Variants in TUSC3 observed in about 807,000 individuals in gnomAD.
TUSC3 encodes the protein dolichyl-diphosphooligosaccharide--protein glycosyltransferase subunit TUSC3.
A neutral mutation model predicts 44.8 loss-of-function variants in TUSC3; 45 were observed. The observed-to-expected ratio is 1.00, with a 90% CI of 0.79 to 1.29. The LOEUF is 1.29. TUSC3 is among the 50% of genes most tolerant of loss of function. The pLI is 0.00. For missense variants in TUSC3, 519 were observed against 437.9 expected (o/e 1.19, Z -1.65); for synonymous variants, 212 against 152.9 (o/e 1.39, Z -2.85).
At position 15,579,070 on chromosome 8, in the gene TUSC3, T is replaced by A. The variant is rs1357921688; in HGVS notation, c.138+38502T>A. On this transcript the variant is annotated intron_variant, in intron 1 of 10. Transcript: ENST00000503731. ...GAGAGTGTATGTGTTGAGGAATTTATCCATTTCTTCTAGATTTTCTAGTTT... is the reference window on the plus strand; with the variant it reads ...GAGAGTGTATGTGTTGAGGAATTTAACCATTTCTTCTAGATTTTCTAGTTT... 3.9e-5 allele frequency among the ~76,000 whole-genome samples: 6 copies of A among 152,194 alleles called. No individual in the cohort carries two copies. In the South Asian group the frequency reaches 1.0e-3, roughly 26 times the overall value.
intron 2 of TUSC3, among the ~76,000 whole-genome samples, chr8:15,630,558 A>C (rs933395941): frequency 6.6e-6 from 1 of 152,148 alleles, no homozygotes; most frequent in African/African-American, 2.4e-5. Flanking sequence ...AATTTTTTCA[A>C]AGTCACACAG....
intron 2 of TUSC3, among the ~76,000 whole-genome samples, chr8:15,632,877 C>A (rs1166884207): frequency 1.3e-5 from 2 of 152,128 alleles, no homozygotes; most frequent in Non-Finnish European, 2.9e-5. Context: ...AGTGTATCTC[C>A]TTTAGTCTAC....
intron 7 of TUSC3, among the ~76,000 whole-genome samples, chr8:15,732,604 C>G (rs1810769982): frequency 6.6e-6 from 1 of 151,974 alleles, no homozygotes; most frequent in Non-Finnish European, 1.5e-5. Context: ...TATCAAAATT[C>G]TAAAACTTGA....
At chr8:15,849,573 C>T in the TUSC3 span, among the ~76,000 whole-genome samples, 1 of 152,078 alleles carries the variant, frequency 6.6e-6, no homozygotes. Flanking sequence ...TTACAATCTC[C>T]CCTGCAACAA....
chr8:15,585,242 A>G (rs1803547362), intron 1 of TUSC3, among the ~76,000 whole-genome samples: 1 of 152,178 alleles, frequency 6.6e-6, no homozygotes. Flanking sequence ...TTTTAGATCC[A>G]TGGCATTTGA....
chr8:15,753,374 G>A (rs938993399), intron 9 of TUSC3, among the ~76,000 whole-genome samples: 1 of 151,874 alleles, frequency 6.6e-6, no homozygotes, highest in African/African-American at 2.4e-5. Context: ...AATCCTTATG[G>A]TGCTCACAGA....
chr8:15,466,248 A>G (rs926921931), intron 1 of TUSC3, among the ~76,000 whole-genome samples: 50 of 152,308 alleles, frequency 3.3e-4, no homozygotes, highest in African/African-American at 1.1e-3. Flanking sequence ...AACAATTTCA[A>G]TACATCTAAG....
chr8:15,748,567 GT>G (rs368882548), intron 9 of TUSC3, 102 bp downstream of exon 9: 10 of 1,170,496 alleles, frequency 8.5e-6, no homozygotes, highest in East Asian at 7.1e-5. Flanking sequence ...TTGCTGTGTG[GT>G]TTTTTTAAAT....
chr8:15,584,295 G>C (rs868722474), intron 1 of TUSC3, among the ~76,000 whole-genome samples: 1 of 152,094 alleles, frequency 6.6e-6, no homozygotes, highest in South Asian at 2.1e-4. Flanking sequence ...GAAGGATAGG[G>C]GTGTTTGTTT....
At chr8:15,485,696 G>A (rs184144068) in intron 2 of TUSC3, among the ~76,000 whole-genome samples, 148 of 152,248 alleles carry the variant, frequency 9.7e-4, no homozygotes, top group Middle Eastern at 3.4e-3. Flanking sequence ...AGTAGGAGGG[G>A]AAAGAAGAGA....
chr8:15,529,545 T>G (rs577870651), intron 2 of TUSC3, among the ~76,000 whole-genome samples: 1 of 152,280 alleles, frequency 6.6e-6, no homozygotes. Context: ...AGAATATTTT[T>G]AGAAAACAGT....
At chr8:15,466,368 A>G (rs912427725) in intron 1 of TUSC3, among the ~76,000 whole-genome samples, 1 of 152,184 alleles carries the variant, frequency 6.6e-6, no homozygotes, top group Non-Finnish European at 1.5e-5. Flanking sequence ...AAGCAATTAC[A>G]TGACTTTCTA....
At chr8:15,842,257 G>A in the TUSC3 span, among the ~76,000 whole-genome samples, 2 of 152,200 alleles carry the variant, frequency 1.3e-5, no homozygotes, top group Non-Finnish European at 2.9e-5. Context: ...AGTGCATCCC[G>A]ACTGATTATG....
At chr8:15,430,013 A>G (rs1220605105) in intron 1 of TUSC3, among the ~76,000 whole-genome samples, 1 of 151,532 alleles carries the variant, frequency 6.6e-6, no homozygotes, top group Admixed American at 6.6e-5. Flanking sequence ...AAAATCCAGG[A>G]CCAGATGGAT....
At chr8:15,422,538 G>A (rs1799750086) in intron 1 of TUSC3, among the ~76,000 whole-genome samples, 1 of 152,134 alleles carries the variant, frequency 6.6e-6, no homozygotes, top group African/African-American at 2.4e-5. Context: ...TGATAACAAT[G>A]TGTTATATTC....
chr8:15,691,184 CAACATTTTAT>C (rs939011971), intron 6 of TUSC3, among the ~76,000 whole-genome samples: 1 of 151,834 alleles, frequency 6.6e-6, no homozygotes, highest in African/African-American at 2.4e-5. Flanking sequence ...TTTCTTTGAA[CAACATTTTAT>C]AATTATGAAA....
chr8:15,781,938 C>T, the TUSC3 span, among the ~76,000 whole-genome samples: 14 of 152,078 alleles, frequency 9.2e-5, no homozygotes, highest in Non-Finnish European at 1.9e-4. Flanking sequence ...TTCCAGACCA[C>T]CCTAGCCAAG....
chr8:15,608,357 A>C (rs930038608), intron 1 of TUSC3, among the ~76,000 whole-genome samples: 1 of 152,094 alleles, frequency 6.6e-6, no homozygotes, highest in Non-Finnish European at 1.5e-5. Flanking sequence ...AATAAATTCC[A>C]ATATAAAATA....
At chr8:15,641,471 T>C (rs1360020155) in intron 2 of TUSC3, among the ~76,000 whole-genome samples, 1 of 152,042 alleles carries the variant, frequency 6.6e-6, no homozygotes, top group Non-Finnish European at 1.5e-5. Flanking sequence ...AATTTGGGTC[T>C]GGTGCAGAGA....
Sources: gnomAD v4.1 joint callset for allele counts (sites outside exome capture counted in the v4.1 genomes callset) on GRCh38, gnomAD v4.1.1 for gene constraint, MANE v1.5 for transcripts, NCBI Gene and HGNC (gene_info 2026-07-23, HGNC 2026-07-21) for gene names.